Variants in ACBD6 observed in about 807,000 individuals in gnomAD.
The protein encoded by ACBD6 is acyl-CoA-binding domain-containing protein 6.
A neutral mutation model predicts 37.2 loss-of-function variants in ACBD6; 28 were observed. The observed-to-expected ratio is 0.75, with a 90% confidence interval of 0.56 to 1.03. The LOEUF (loss-of-function observed/expected upper bound fraction) is 1.03. Ranked by LOEUF, ACBD6 falls within the 50% of genes least tolerant of loss-of-function variation. The probability of loss-of-function intolerance (pLI) is 0.00; values close to 1 mark genes in which losing one functional copy is unlikely to be tolerated. For missense variants in ACBD6, 340 were observed against 337.4 expected (o/e 1.01, Z -0.06); for synonymous variants, 113 against 126.8 (o/e 0.89, Z 0.73).
chr1:180,487,984 G>A (rs1651341775), intron 3 of ACBD6, among the ~76,000 whole-genome samples: 1 of 151,932 alleles, frequency 6.6e-6, no homozygotes, highest in Non-Finnish European at 1.5e-5. Context: ...TGATAAGGAG[G>A]GACCACTGCA....
At chr1:180,393,326 G>A (rs1466254041) in intron 6 of ACBD6, among the ~76,000 whole-genome samples, 1 of 152,136 alleles carries the variant, frequency 6.6e-6, no homozygotes, top group East Asian at 1.9e-4. Flanking sequence ...AAAAATGTAT[G>A]AGATAGACTG....
At chr1:180,312,326 T>C (rs1170136816) in intron 7 of ACBD6, among the ~76,000 whole-genome samples, 1 of 152,176 alleles carries the variant, frequency 6.6e-6, no homozygotes, top group Non-Finnish European at 1.5e-5. Flanking sequence ...TTTGTTGCTA[T>C]TGTAAATAAT....
chr1:180,479,855 G>A (rs1384296355), intron 3 of ACBD6, among the ~76,000 whole-genome samples: 8 of 152,106 alleles, frequency 5.3e-5, no homozygotes, highest in African/African-American at 1.7e-4. Context: ...TGGGTGTGGT[G>A]ACACGCACCT....
Position 180,428,793 on chromosome 1 carries a change from A to C in ACBD6, c.467+1387T>G, listed in dbSNP as rs185150900. Among the ~76,000 whole-genome samples, 40 of 152,346 alleles carry C rather than the reference A, an allele frequency of 2.6e-4. No homozygotes were observed. In the East Asian group the frequency reaches 7.3e-3, roughly 28 times the overall value. Reference sequence around the variant, plus strand: ...AAACTTAAGCTTAGTAATTTTTTTAAAAGGAAAGTCAAGAAACTATCTCAA... The same window carrying C: ...AAACTTAAGCTTAGTAATTTTTTTACAAGGAAAGTCAAGAAACTATCTCAA... On this transcript the variant is annotated intron_variant, in intron 4 of 7. Coordinates refer to ENST00000367595, the MANE Select transcript of ACBD6 (RefSeq NM_032360.4).
At chr1:180,274,655 T>C in exon 10 of ACBD6, 3 of 1,456,418 alleles carry the variant, frequency 2.1e-6, no homozygotes, top group Non-Finnish European at 2.7e-6. Flanking sequence ...ACTTGCCTTT[T>C]AAGGATCGAA....
chr1:180,460,834 G>A (rs760865728), intron 3 of ACBD6, among the ~76,000 whole-genome samples: 39 of 152,134 alleles, frequency 2.6e-4, no homozygotes, highest in Non-Finnish European at 4.3e-4. Context: ...AAGCCAGAGG[G>A]GCCTCTCTCC....
chr1:180,500,082 C>T (rs1370822002), intron 1 of ACBD6, among the ~76,000 whole-genome samples: 1 of 151,180 alleles, frequency 6.6e-6, no homozygotes, highest in Non-Finnish European at 1.5e-5. Context: ...TAACTGCCCT[C>T]CAGCCTGAGC....
chr1:180,299,759 G>T (rs2149282938), intron 7 of ACBD6, among the ~76,000 whole-genome samples: 1 of 152,090 alleles, frequency 6.6e-6, no homozygotes, highest in South Asian at 2.1e-4. Context: ...CAGATGCAAT[G>T]ATATTAGTAT....
chr1:180,402,630 C>T (rs542335993), intron 5 of ACBD6, among the ~76,000 whole-genome samples: 1 of 152,016 alleles, frequency 6.6e-6, no homozygotes, highest in South Asian at 2.1e-4. Context: ...GGTGAAACCC[C>T]ATCTCTACAA....
chr1:180,474,994 C>T (rs1640461914), intron 3 of ACBD6, among the ~76,000 whole-genome samples: 1 of 152,078 alleles, frequency 6.6e-6, no homozygotes, highest in Admixed American at 6.5e-5. Context: ...GAAAAATGTA[C>T]ATATTTTAAG....
intron 6 of ACBD6, among the ~76,000 whole-genome samples, chr1:180,339,665 A>G (rs1174721238): frequency 2.6e-5 from 4 of 152,220 alleles, no homozygotes; most frequent in Non-Finnish European, 2.9e-5. Context: ...CATGCACCCT[A>G]AAACTTAAAG....
At chr1:180,333,304 T>C (rs188013771) in intron 6 of ACBD6, among the ~76,000 whole-genome samples, 267 of 152,302 alleles carry the variant, frequency 1.8e-3, no homozygotes, top group African/African-American at 6.0e-3. Context: ...CCTGGTTAAA[T>C]AGAAAATAAT....
At chr1:180,366,777 T>C (rs964863545) in intron 6 of ACBD6, among the ~76,000 whole-genome samples, 15 of 152,332 alleles carry the variant, frequency 9.8e-5, no homozygotes, top group Admixed American at 2.0e-4. Flanking sequence ...TCTACATATA[T>C]GAATTTCATT....
At chr1:180,291,599 AT>A (rs200231627) in intron 7 of ACBD6, among the ~76,000 whole-genome samples, 26 of 151,394 alleles carry the variant, frequency 1.7e-4, no homozygotes, top group African/African-American at 5.3e-4. Context: ...TGGACACAAA[AT>A]TTTTTTTTCC....
At chr1:180,271,935 G>A (rs1485421738) in exon 14 of ACBD6, 6 of 1,613,396 alleles carry the variant, frequency 3.7e-6, no homozygotes, top group South Asian at 3.3e-5. Flanking sequence ...AGGAGCCGGG[G>A]CAGCAGCAAG....
intron 1 of ACBD6, 26 bp from the exon 2 acceptor site, chr1:180,495,551 A>G: frequency 6.4e-7 from 1 of 1,551,440 alleles, no homozygotes; most frequent in South Asian, 1.1e-5. Context: ...AAAATCAAGA[A>G]CTTATTTTTC....
intron 6 of ACBD6, among the ~76,000 whole-genome samples, chr1:180,341,898 A>G (rs146635106): frequency 3.5e-4 from 54 of 152,226 alleles, no homozygotes; most frequent in Non-Finnish European, 6.8e-4. Flanking sequence ...TAGCTGTTCC[A>G]AGGAAAAACT....
chr1:180,478,640 T>C (rs575167345), intron 3 of ACBD6, among the ~76,000 whole-genome samples: 1 of 151,890 alleles, frequency 6.6e-6, no homozygotes, highest in African/African-American at 2.4e-5. Context: ...AGTACCACCA[T>C]TGCTGGCTAA....
At chr1:180,271,444 A>C in exon 14 of ACBD6, 1 of 1,614,150 alleles carries the variant, frequency 6.2e-7, no homozygotes, top group Non-Finnish European at 8.5e-7. Flanking sequence ...TGGAGACATT[A>C]AAGAATGCAT....
Sources: gnomAD v4.1 joint callset for allele counts (sites outside exome capture counted in the v4.1 genomes callset) on GRCh38, gnomAD v4.1.1 for gene constraint, MANE v1.5 for transcripts, NCBI Gene and HGNC (gene_info 2026-07-23, HGNC 2026-07-21) for gene names.